Variants in SNTB2 observed in about 807,000 individuals in gnomAD.
SNTB2 encodes beta-2-syntrophin.
SNTB2 carries 34 observed loss-of-function variants against 46.2 expected under a neutral mutation model. The observed-to-expected ratio is 0.74, with a 90% CI of 0.56 to 0.98. The LOEUF is 0.98. Ranked by LOEUF, SNTB2 falls within the 50% of genes least tolerant of loss-of-function variation. SNTB2 has a pLI of 0.00. For synonymous variants in SNTB2, 290 were observed against 312.6 expected (o/e 0.93, Z 0.76); for missense variants, 603 against 731.4 (o/e 0.82, Z 2.02).
In SNTB2 at chr16:69,187,759, G is replaced by A. The variant is rs765846926; in HGVS notation, c.580+13G>A. 5.0e-6 allele frequency: 7 copies of A among 1,392,762 alleles called. No individual in the cohort carries two copies. The highest frequency in any genetic ancestry group is 5.6e-6 in the Non-Finnish European group (6 of 1,072,554). 86.3% of individuals were successfully genotyped at this position (1,392,762 alleles called of 1,614,324 possible). On this transcript the variant is annotated intron_variant, in intron 1 of 6. Coordinates refer to ENST00000336278, the MANE Select transcript of SNTB2 (RefSeq NM_006750.4). ...GTGCTGCTGGAGGGTGAGCGGGGCC[G>A]GGCGGGAGGGTGGGCAGGCCGCGGC...
At chr16:69,191,826 A>G (rs1964057804) in intron 1 of SNTB2, among the ~76,000 whole-genome samples, 1 of 152,024 alleles carries the variant, frequency 6.6e-6, no homozygotes, top group Non-Finnish European at 1.5e-5. Flanking sequence ...ATTTTTTAGT[A>G]GAGATGGGGT....
At chr16:69,282,718 T>C (rs1965061967) in intron 4 of SNTB2, among the ~76,000 whole-genome samples, 1 of 138,134 alleles carries the variant, frequency 7.2e-6, no homozygotes, top group African/African-American at 2.7e-5. Context: ...TTTCTACCCA[T>C]GAACGTAAAA....
intron 1 of SNTB2, among the ~76,000 whole-genome samples, chr16:69,227,802 A>G (rs1964472971): frequency 6.6e-6 from 1 of 151,258 alleles, no homozygotes; most frequent in African/African-American, 2.4e-5. Flanking sequence ...TCCTTTCCTG[A>G]AGGGGAGACA....
intron 2 of SNTB2, 33 bp from the exon 3 acceptor site, chr16:69,260,017 A>G (rs367714440): frequency 1.3e-6 from 2 of 1,526,490 alleles, no homozygotes; most frequent in African/African-American, 1.4e-5. Context: ...CTTCTGTCCT[A>G]GCTCACTTTT....
rs549439741 is a variant in SNTB2, at chr16:69,235,596, A to G, written c.581-10006A>G. ...TGAGACCAAAGTGGGGGAGGGGGGA[A>G]CTAAAAGGAAGGGAAAGGAAGAAAG... On this transcript the variant is annotated intron_variant, in intron 1 of 6. Coordinates refer to ENST00000336278, the MANE Select transcript of SNTB2 (RefSeq NM_006750.4). 6 of 996,278 alleles carry G rather than the reference A, an allele frequency of 6.0e-6. No individual in the cohort carries two copies. The African/African-American group carries it at 1.0e-4, about 17-fold the overall frequency. The allele number at this position is 996,278 out of a possible 1,614,324, so 61.7% of individuals were successfully genotyped here.
chr16:69,227,841 A>ATTTTTTTTT (rs60387965), intron 1 of SNTB2, among the ~76,000 whole-genome samples: 1 of 115,914 alleles, frequency 8.6e-6, no homozygotes, highest in African/African-American at 3.3e-5. Flanking sequence ...GTTTCTCTGG[A>ATTTTTTTTT]TTTTTTTTTT....
chr16:69,299,917 A>G (rs1168252643), intron 6 of SNTB2, 143 bp downstream of exon 6: 1 of 795,014 alleles, frequency 1.3e-6, no homozygotes, highest in African/African-American at 1.7e-5. Flanking sequence ...TTTTTTAAAG[A>G]TGGGGTCTCT....
chr16:69,226,716 A>G (rs1964463016), intron 1 of SNTB2, among the ~76,000 whole-genome samples: 2 of 152,114 alleles, frequency 1.3e-5, no homozygotes, highest in African/African-American at 4.8e-5. Context: ...TGTTTTGTAA[A>G]GACGGGGTCT....
At chr16:69,196,930 C>G (rs1377585134) in intron 1 of SNTB2, among the ~76,000 whole-genome samples, 1 of 152,116 alleles carries the variant, frequency 6.6e-6, no homozygotes, top group Non-Finnish European at 1.5e-5. Context: ...TTATGATTGG[C>G]TTAATTTTCA....
intron 1 of SNTB2, among the ~76,000 whole-genome samples, chr16:69,239,107 C>A (rs1320651272): frequency 6.6e-6 from 1 of 152,184 alleles, no homozygotes; most frequent in Non-Finnish European, 1.5e-5. Context: ...ACTGTCCTAA[C>A]ACTGTCTCCC....
chr16:69,253,742 A>G (rs994655216), intron 2 of SNTB2, among the ~76,000 whole-genome samples: 6 of 152,160 alleles, frequency 3.9e-5, no homozygotes, highest in African/African-American at 1.4e-4. Flanking sequence ...TGGTCCCGGT[A>G]TCTACTTGTG....
Position 69,284,067 on chromosome 16 carries a change from G to A in SNTB2, c.1168G>A (p.Gly390Arg), listed in dbSNP as rs758011379. The A allele has an allele frequency of 8.7e-6, 14 of 1,612,228 alleles. No individual in the cohort carries two copies. The highest frequency in any genetic ancestry group is 2.2e-5 in the East Asian group (1 of 44,844). ...TCCTAGGTTGGTTCATTCTGGCTCC[G>A]GATGTCGATCCCCCTCCCTTGGATC... ...VATRLVHSGSGCRSPSLGSDL... is the reference protein window; with the variant it reads ...VATRLVHSGSRCRSPSLGSDL... The change falls in exon 5 of 7, where the codon GGA becomes AGA. Residue 390 changes from glycine (G) to arginine (R), a missense_variant. This residue lies in a region of SNTB2 where 537 missense variants were observed against 692.4 expected (regional missense o/e 0.78). Transcript: ENST00000336278.
At chr16:69,199,819 C>T (rs564815327) in intron 1 of SNTB2, among the ~76,000 whole-genome samples, 10 of 151,966 alleles carry the variant, frequency 6.6e-5, no homozygotes, top group African/African-American at 1.2e-4. Context: ...GACTTAGATG[C>T]CAAATAATTC....
At position 69,207,817 on chromosome 16, in the gene SNTB2, A is replaced by C. The variant is rs557217533; in HGVS notation, c.580+20071A>C. On this transcript the variant is annotated intron_variant, in intron 1 of 6. Transcript: ENST00000336278. ...TGTTTTTGAACTTCATGTAAAAATG[A>C]AAAAAATAGGCCAGGGGTGGTGGCT... Among the ~76,000 whole-genome samples the C allele has an allele frequency of 1.2e-3, 188 of 151,450 alleles. 1 individual carries two copies. Among genetic ancestry groups the C allele is most frequent in the Middle Eastern group, 0.01 (3 of 294 alleles).
intron 1 of SNTB2, among the ~76,000 whole-genome samples, chr16:69,199,977 C>A (rs141403338): frequency 1.3e-5 from 2 of 151,998 alleles, no homozygotes; most frequent in Admixed American, 6.6e-5. Flanking sequence ...TGCAGTGGCA[C>A]GATCTCAGCT....
intron 1 of SNTB2, among the ~76,000 whole-genome samples, chr16:69,210,266 A>G (rs1003749151): frequency 2.1e-5 from 3 of 144,166 alleles, no homozygotes; most frequent in Non-Finnish European, 4.6e-5. Context: ...GAGATGGAAT[A>G]TCGTTCTGTT....
At chr16:69,217,336 T>C (rs1964359280) in intron 1 of SNTB2, among the ~76,000 whole-genome samples, 1 of 152,046 alleles carries the variant, frequency 6.6e-6, no homozygotes, top group Non-Finnish European at 1.5e-5. Flanking sequence ...TAGCCGAACA[T>C]TGTGGCATGC....
chr16:69,228,932 T>A (rs928266567), intron 1 of SNTB2, among the ~76,000 whole-genome samples: 2 of 152,194 alleles, frequency 1.3e-5, no homozygotes, highest in Non-Finnish European at 2.9e-5. Context: ...GAGGTTCATT[T>A]GATTTTAAAG....
At chr16:69,211,732 C>G (rs528881476) in intron 1 of SNTB2, among the ~76,000 whole-genome samples, 2 of 152,236 alleles carry the variant, frequency 1.3e-5, no homozygotes, top group African/African-American at 2.4e-5. Flanking sequence ...GTGTTATTAC[C>G]TGAGGGTGGG....
Sources: gnomAD v4.1 joint callset for allele counts (sites outside exome capture counted in the v4.1 genomes callset) on GRCh38, gnomAD v4.1.1 for gene constraint, gnomAD v4.1.1 regional missense constraint, MANE v1.5 for transcripts, NCBI Gene and HGNC (gene_info 2026-07-23, HGNC 2026-07-21) for gene names.